C15orf39: variants seen among roughly 807,000 people sequenced by gnomAD.
C15orf39 encodes PRMT2 interacting protein.
In C15orf39, 24 loss-of-function variants were observed where a neutral mutation model predicts 53.9. The ratio of observed to expected loss-of-function variants is 0.45; its 90% CI spans 0.32 to 0.63. C15orf39 has a LOEUF of 0.63. Among genes scored for constraint, C15orf39 ranks in the 20% least tolerant of loss-of-function variants. The pLI is 0.04. For missense variants in C15orf39, 1,271 were observed against 1,347.9 expected (o/e 0.94, Z 0.89); for synonymous variants, 569 against 576.5 (o/e 0.99, Z 0.19).
rs113461650 is a variant in C15orf39 at position 75,208,057 on chromosome 15, C to T, written c.2009C>T (p.Thr670Met). The part of the protein sequence containing the change: ...APLPAAVVPS[T>M]PTSAPAPTQP... ...TTGCCTGCAGCCGTGGTCCCGTCCA[C>T]GCCCACCTCAGCTCCTGCTCCCACA... The change falls in exon 2 of 3, where the codon ACG becomes ATG. Residue 670 changes from threonine to methionine, a missense_variant. By Grantham distance (81) the Thr-to-Met change is moderately conservative. Around this residue, in one of 2 missense-constraint regions of C15orf39, gnomAD observed 994 missense variants for 993.7 expected, o/e 1.00. Coordinates refer to ENST00000394987, the MANE Select transcript of C15orf39 (RefSeq NM_015492.5). 63 of 1,613,986 alleles carry T rather than the reference C, an allele frequency of 3.9e-5. No homozygotes were observed. In the African/African-American group the frequency reaches 6.4e-4, roughly 16 times the overall value.
In C15orf39 at chr15:75,206,794, C is replaced by T. The variant is rs201220527; in HGVS notation, c.746C>T (p.Pro249Leu). Residue 249 changes from proline to leucine, a missense_variant, in exon 2 of 3, where the codon CCT (proline) becomes CTT (leucine). Physicochemically the swap from Pro to Leu is moderately conservative, Grantham distance 98. Transcript: ENST00000394987. ...GCAATGTCTGAGGGGCCCTCAAGTC[C>T]TTGGACCCAGCTGGCCCAGCCCCTG... ...KQAMSEGPSS[P>L]WTQLAQPLGP... 5.0e-4 allele frequency: 798 copies of T among 1,609,874 alleles called. 5 individuals carry two copies. Among genetic ancestry groups the T allele is most frequent in the Non-Finnish European group, 3.4e-5 (40 of 1,178,156 alleles).
At chr15:75,200,767 C>T (rs2070395786), upstream of C15orf39, among the ~76,000 whole-genome samples, 1 of 152,006 alleles carries the variant, frequency 6.6e-6, no homozygotes, top group Non-Finnish European at 1.5e-5. Context: ...ATATGGTTCC[C>T]GACTCTATTT....
At position 75,201,931 on chromosome 15, in the gene C15orf39, G is replaced by A. The variant is rs968792363; in HGVS notation, c.-179G>A. The stretch of plus-strand genomic sequence containing the variant: ...ACGGCAGCTAGGAGGGTTGCTCCGG[G>A]CTTGGTGCTCACTGCGACTTCCCGC... On this transcript the variant is annotated 5_prime_UTR_variant, in exon 1 of 3. Transcript: ENST00000394987. This position sits in a 1 kb window ranked among gnomAD's most constrained non-coding sequence, Gnocchi z 4.7. 1.1e-4 allele frequency: 16 copies of A among 152,030 alleles called. No homozygotes were observed. The highest frequency in any genetic ancestry group is 3.9e-4 in the African/African-American group (16 of 41,434). The allele number at this position is 152,030 out of a possible 1,614,324, so 9.4% of individuals were successfully genotyped here. A position where few individuals can be genotyped will look rare whatever the true frequency, so the allele number is the denominator to read the frequency against.
At position 75,206,598 on chromosome 15, in the gene C15orf39, C is replaced by T. The variant is rs1460016792; in HGVS notation, c.550C>T (p.Gln184Ter). Residue 184 changes from glutamine to a stop codon, truncating the protein, a stop_gained, in exon 2 of 3, where the codon CAG (glutamine) becomes TAG (stop). Transcript: ENST00000394987. LOFTEE classifies it high-confidence loss of function. ...CSLAPAPSKG[Q>*]TLDGTFLRGV... ...TCTGGCCCCAGCTCCTAGCAAGGGC[C>T]AGACTCTGGATGGCACCTTCTTGCG... 2 of 1,613,866 alleles carry T rather than the reference C, an allele frequency of 1.2e-6. No individual in the cohort carries two copies. Among genetic ancestry groups the T allele is most frequent in the Non-Finnish European group, 1.7e-6 (2 of 1,179,916 alleles).
rs774177293 is a variant in C15orf39, at chr15:75,207,082, AC to A, written c.1038del (p.Ser347LeufsTer30). 6.2e-7 allele frequency: 1 copy of A among 1,610,550 alleles called. No individual in the cohort carries two copies. The highest frequency in any genetic ancestry group is 1.1e-5 in the South Asian group (1 of 90,710). ...CCACTGGGGCTGGACGCTTACCCCT[AC>A]CCCTCTGCCCCTCTCCCAGCACCCT... Reference protein sequence around the residue: ...IPPLGLDAYPYPSAPLPAPSP... With the variant: ...IPPLGLDAYPXPSAPLPAPSP... On this transcript the variant is annotated frameshift_variant, in exon 2 of 3. Coordinates refer to ENST00000394987, the MANE Select transcript of C15orf39 (RefSeq NM_015492.5). LOFTEE classifies it high-confidence loss of function.
At chr15:75,209,042 C>T in intron 2 of C15orf39, 1 of 767,794 alleles carries the variant, frequency 1.3e-6, no homozygotes, top group Non-Finnish European at 2.0e-6. Flanking sequence ...AACATGCCAG[C>T]TGCTCTGTCC....
rs1197443845 is a variant in C15orf39 at position 75,208,495 on chromosome 15, C to T, written c.2447C>T (p.Ala816Val). 4 of 1,593,692 alleles carry T rather than the reference C, an allele frequency of 2.5e-6. No individual in the cohort carries two copies. In the Admixed American group the frequency reaches 5.2e-5, roughly 21 times the overall value. The change falls in exon 2 of 3, where the codon GCC (alanine) becomes GTC (valine). Residue 816 changes from alanine (A) to valine (V), a missense_variant. By Grantham distance (64) the Ala-to-Val change is moderately conservative. Transcript: ENST00000394987. ...TGCCAGGGTGTGCAGGGGCTGCTGGCCAAGCTGCTGTCTCAGCTGCAGCGC... is the reference window on the plus strand; with the variant it reads ...TGCCAGGGTGTGCAGGGGCTGCTGGTCAAGCTGCTGTCTCAGCTGCAGCGC... ...QDCQGVQGLL[A>V]KLLSQLQRFD... is the part of the protein sequence containing the mutation.
intron 1 of C15orf39, 84 bp from the exon 2 acceptor site, chr15:75,205,915 T>C (rs543040553): frequency 2.2e-6 from 2 of 912,742 alleles, no homozygotes; most frequent in South Asian, 3.5e-5. Context: ...GGTGTAGCCG[T>C]GAGCTGATGA....
At position 75,211,360 on chromosome 15, in the gene C15orf39, C is replaced by G; in HGVS notation, c.*244C>G. The G allele has an allele frequency of 2.2e-6, 1 of 448,412 alleles. No individual in the cohort carries two copies. Among genetic ancestry groups the G allele is most frequent in the Non-Finnish European group, 3.8e-6 (1 of 261,178 alleles). 27.8% of individuals were successfully genotyped at this position (448,412 alleles called of 1,614,324 possible). ...GAGAACACACATGGGCTTTGGAGCC[C>G]GACAGACCTGGGCTTGAATCCCGGC... is the stretch of plus-strand genomic sequence containing the variant. On this transcript the variant is annotated 3_prime_UTR_variant, in exon 3 of 3. Transcript: ENST00000394987.
rs762208830 is a variant in C15orf39, at chr15:75,208,124, G to C, written c.2076G>C (p.Arg692=). The change falls in exon 2 of 3, where the codon CGG becomes CGC. Residue 692 remains arginine, a synonymous_variant. Transcript: ENST00000394987. Reference sequence around the variant, plus strand: ...CCACATCTGGGCCCATTGGACTGCGGATTCTCGCTCAACAGCCCTTGTCTG... The same window carrying C: ...CCACATCTGGGCCCATTGGACTGCGCATTCTCGCTCAACAGCCCTTGTCTG... The part of the protein sequence containing the change: ...PTPTSGPIGL[R]ILAQQPLSVT... 4.8e-5 allele frequency: 77 copies of C among 1,613,998 alleles called. No homozygotes were observed. The highest frequency in any genetic ancestry group is 6.4e-5 in the Non-Finnish European group (75 of 1,180,046).
rs777563887 is a variant in C15orf39, at chr15:75,206,620, TGCGG to T, written c.574_577del (p.Arg192GlyfsTer133). The stretch of plus-strand genomic sequence containing the variant: ...GGCCAGACTCTGGATGGCACCTTCT[TGCGG>T]GGGGTGCCAGCTGAGGGGTCCAGTA... On this transcript the variant is annotated frameshift_variant, in exon 2 of 3. Transcript: ENST00000394987. LOFTEE classifies it high-confidence loss of function. The T allele has an allele frequency of 6.2e-7, 1 of 1,613,718 alleles. No homozygotes were observed. The highest frequency in any genetic ancestry group is 8.5e-7 in the Non-Finnish European group (1 of 1,179,924).
chr15:75,199,154 C>A (rs1056013205), upstream of C15orf39: 7 of 152,218 alleles, frequency 4.6e-5, no homozygotes, highest in African/African-American at 1.7e-4. Flanking sequence ...CTTGCCTAAA[C>A]CACACAGGTC....
Position 75,208,943 on chromosome 15 carries a change from G to GGGGCTTTAGGAT in C15orf39, c.2776+121_2776+132dup, listed in dbSNP as rs2070464068. The GGGGCTTTAGGAT allele has an allele frequency of 2.1e-6, 3 of 1,445,252 alleles. No individual in the cohort carries two copies. The African/African-American group carries it at 4.3e-5, about 21-fold the overall frequency. 89.5% of individuals were successfully genotyped at this position (1,445,252 alleles called of 1,614,324 possible). The stretch of plus-strand genomic sequence containing the variant: ...ATTCCAAGGACTCCTGCCCGGGTAG[G>GGGGCTTTAGGAT]GGGCTTTAGGATGAGCTCTAGGTAC... On this transcript the variant is annotated intron_variant, in intron 2 of 2. Coordinates refer to ENST00000394987, the MANE Select transcript of C15orf39 (RefSeq NM_015492.5).
rs1411791839 is a variant in C15orf39 at position 75,206,915 on chromosome 15, T to G, written c.867T>G (p.Cys289Trp). Reference sequence around the variant, plus strand: ...AGGCCCTGCCTTGCCCTCCAGCCTGTCGCCACCCAGAGAAGCAGGGCAGCT... The same window carrying G: ...AGGCCCTGCCTTGCCCTCCAGCCTGGCGCCACCCAGAGAAGCAGGGCAGCT... ...PPQALPCPPA[C>W]RHPEKQGSYS... The change falls in exon 2 of 3, where the codon TGT (cysteine) becomes TGG (tryptophan). Residue 289 changes from cysteine to tryptophan, a missense_variant. By Grantham distance (215) the Cys-to-Trp change is radical. Coordinates refer to ENST00000394987, the MANE Select transcript of C15orf39 (RefSeq NM_015492.5). 6.8e-7 allele frequency: 1 copy of G among 1,471,486 alleles called. No homozygotes were observed. Among genetic ancestry groups the G allele is most frequent in the African/African-American group, 1.5e-5 (1 of 65,856 alleles). The allele number at this position is 1,471,486 out of a possible 1,614,324, so 91.2% of individuals were successfully genotyped here. A position where few individuals can be genotyped will look rare whatever the true frequency, so the allele number is the denominator to read the frequency against.
At chr15:75,198,960 G>C (rs191684554), upstream of C15orf39, 3 of 152,368 alleles carry the variant, frequency 2.0e-5, no homozygotes, top group East Asian at 5.8e-4. Context: ...CCTTGAAAGA[G>C]AAGGGGTTGA....
intron 2 of C15orf39, 152 bp from the exon 3 acceptor site, chr15:75,210,597 G>T: frequency 8.7e-7 from 1 of 1,145,370 alleles, no homozygotes; most frequent in Non-Finnish European, 1.2e-6. Context: ...TTTTTTGCTT[G>T]GATGGTCTGG....
Position 75,210,858 on chromosome 15 carries a change from G to C in C15orf39, c.2886G>C (p.Arg962Ser). ...LAQKSPAPKV[R>S]KPGRKPPTPG... The stretch of plus-strand genomic sequence containing the variant: ...AGAAGTCACCGGCCCCCAAGGTCAG[G>C]AAGCCAGGCAGGAAGCCACCAACCC... Residue 962 changes from arginine (R) to serine (S), a missense_variant, in exon 3 of 3, where the codon AGG becomes AGC. By Grantham distance (110) the Arg-to-Ser change is moderately radical (BLOSUM62 -1). Around this residue, in one of 2 missense-constraint regions of C15orf39, gnomAD observed 277 missense variants for 354.1 expected, o/e 0.78. Coordinates refer to ENST00000394987, the MANE Select transcript of C15orf39 (RefSeq NM_015492.5). The C allele has an allele frequency of 6.2e-7, 1 of 1,613,742 alleles. No individual in the cohort carries two copies. The highest frequency in any genetic ancestry group is 8.5e-7 in the Non-Finnish European group (1 of 1,179,978).
In C15orf39 at chr15:75,211,229, G is replaced by A. The variant is rs1202018399; in HGVS notation, c.*113G>A. On this transcript the variant is annotated 3_prime_UTR_variant, in exon 3 of 3. Transcript: ENST00000394987. Reference sequence around the variant, plus strand: ...TGGGGCTGTGGCTGCTCCCCTGGAGGGGTTCCATCTCTGACCCTGTGGCCC... The same window carrying A: ...TGGGGCTGTGGCTGCTCCCCTGGAGAGGTTCCATCTCTGACCCTGTGGCCC... 2.3e-5 allele frequency: 32 copies of A among 1,415,970 alleles called. No homozygotes were observed. 87.7% of individuals were successfully genotyped at this position (1,415,970 alleles called of 1,614,324 possible).
At chr15:75,210,593 G>C (rs2070476186) in intron 2 of C15orf39, among the ~76,000 whole-genome samples, 156 bp from the exon 3 acceptor site, 1 of 152,082 alleles carries the variant, frequency 6.6e-6, no homozygotes, top group African/African-American at 2.4e-5. Context: ...CATCTTTTTT[G>C]CTTGGATGGT....
Sources: allele counts gnomAD v4.1 joint callset (sites outside exome capture counted in the v4.1 genomes callset), GRCh38; gene constraint gnomAD v4.1.1; regional missense constraint gnomAD v4.1.1; non-coding constraint Gnocchi (gnomAD v3.1); transcripts MANE v1.5; gene names NCBI Gene and HGNC (gene_info 2026-07-23, HGNC 2026-07-21).